SEMA3E: variants seen among roughly 807,000 people sequenced by gnomAD.
SEMA3E encodes semaphorin 3E.
Under a neutral mutation model 93.6 loss-of-function variants are expected in SEMA3E, and 49 were observed. That is an observed-to-expected ratio of 0.52 (90% CI 0.42 to 0.66). The LOEUF (loss-of-function observed/expected upper bound fraction) is 0.66, where lower values mean the gene tolerates loss of function less well. SEMA3E is among the 30% of genes least tolerant of loss of function. The pLI, the probability that SEMA3E is intolerant of heterozygous loss-of-function variation, is 0.00. For missense variants in SEMA3E, 906 were observed against 964.8 expected (o/e 0.94, Z 0.81); for synonymous variants, 363 against 330.7 (o/e 1.10, Z -1.06).
chr7:83,509,973 T>C (rs1288814855), intron 1 of SEMA3E, among the ~76,000 whole-genome samples: 1 of 152,086 alleles, frequency 6.6e-6, no homozygotes, highest in Admixed American at 6.6e-5. Context: ...TCAATAATAG[T>C]AGGAAAATAA....
intron 1 of SEMA3E, among the ~76,000 whole-genome samples, chr7:83,639,191 G>A (rs575084814): frequency 1.7e-3 from 252 of 146,534 alleles, no homozygotes; most frequent in African/African-American, 6.2e-3. Context: ...TGATTCAGCA[G>A]CTCCCAGGGA....
intron 3 of SEMA3E, among the ~76,000 whole-genome samples, chr7:83,468,467 G>A (rs1263237281): frequency 1.3e-5 from 2 of 152,240 alleles, no homozygotes; most frequent in African/African-American, 4.8e-5. Context: ...AAGGCAACAG[G>A]AATGTGCTGA....
At chr7:83,498,542 A>G (rs1245418594) in intron 1 of SEMA3E, among the ~76,000 whole-genome samples, 1 of 151,598 alleles carries the variant, frequency 6.6e-6, no homozygotes, top group East Asian at 1.9e-4. Flanking sequence ...CAGTGGTGCG[A>G]TCTCGGCTCA....
chr7:83,415,216 C>G (rs896455402), intron 5 of SEMA3E, among the ~76,000 whole-genome samples: 7 of 152,054 alleles, frequency 4.6e-5, no homozygotes, highest in African/African-American at 1.4e-4. Flanking sequence ...TTTCAACAAG[C>G]TGCTTTTAAA....
intron 4 of SEMA3E, among the ~76,000 whole-genome samples, chr7:83,426,582 G>A (rs1235268099): frequency 1.3e-5 from 2 of 152,066 alleles, no homozygotes; most frequent in Non-Finnish European, 2.9e-5. Flanking sequence ...ACTATTCTCA[G>A]TACCTGGCGA....
At chr7:83,413,816 A>G (rs1437866450) in intron 5 of SEMA3E, among the ~76,000 whole-genome samples, 14 of 152,164 alleles carry the variant, frequency 9.2e-5, no homozygotes, top group Non-Finnish European at 1.5e-5. Flanking sequence ...GCCAGCACCC[A>G]TGGCTGTACT....
At chr7:83,560,937 CT>C (rs1584331662) in intron 1 of SEMA3E, among the ~76,000 whole-genome samples, 3 of 151,990 alleles carry the variant, frequency 2.0e-5, no homozygotes, top group African/African-American at 7.2e-5. Flanking sequence ...TTATATAACA[CT>C]GCTTTCCAAA....
chr7:83,596,768 A>T (rs771471325), intron 1 of SEMA3E, among the ~76,000 whole-genome samples: 3 of 152,024 alleles, frequency 2.0e-5, no homozygotes, highest in Non-Finnish European at 2.9e-5. Context: ...GTGATCTCTG[A>T]TCTCATGATG....
rs188218289 is a variant in SEMA3E, at chr7:83,545,492, G to C, written c.116-55218C>G. Reference sequence around the variant, plus strand: ...TTAAACTTGTAGTTTTATATCCAGTGTGATACCCTTCCTTGGCATAATTCC... The same window carrying C: ...TTAAACTTGTAGTTTTATATCCAGTCTGATACCCTTCCTTGGCATAATTCC... On this transcript the variant is annotated intron_variant, in intron 1 of 16. Coordinates refer to ENST00000643230, the MANE Select transcript of SEMA3E (RefSeq NM_012431.3). Among the ~76,000 whole-genome samples, 7 of 146,832 alleles carry C rather than the reference G, an allele frequency of 4.8e-5. No homozygotes were observed. The East Asian group carries it at 1.4e-3, about 30-fold the overall frequency.
chr7:83,516,566 A>C (rs17157685), intron 1 of SEMA3E, among the ~76,000 whole-genome samples: 18,071 of 152,166 alleles, frequency 0.12, 1,403 homozygotes, highest in South Asian at 0.21. Flanking sequence ...TTGCTGAGGG[A>C]TTCTATTTGG....
intron 16 of SEMA3E, among the ~76,000 whole-genome samples, 157 bp from the exon 17 acceptor site, chr7:83,368,195 C>A (rs1446859738): frequency 1.2e-5 from 1 of 82,924 alleles, no homozygotes; most frequent in Non-Finnish European, 2.3e-5. Flanking sequence ...ATAATTACAT[C>A]TCTCTCTCTC....
chr7:83,401,947 T>C (rs376033823), intron 10 of SEMA3E, among the ~76,000 whole-genome samples: 245 of 152,192 alleles, frequency 1.6e-3, no homozygotes, highest in African/African-American at 5.4e-3. Context: ...TCACCCTCAC[T>C]ATCATCATCA....
chr7:83,468,428 T>C (rs2115887697), intron 3 of SEMA3E, among the ~76,000 whole-genome samples: 1 of 152,312 alleles, frequency 6.6e-6, no homozygotes, highest in South Asian at 2.1e-4. Flanking sequence ...TAAGAATATG[T>C]TCAATTAGTC....
At chr7:83,605,822 G>A (rs1367572347) in intron 1 of SEMA3E, among the ~76,000 whole-genome samples, 1 of 152,076 alleles carries the variant, frequency 6.6e-6, no homozygotes, top group African/African-American at 2.4e-5. Flanking sequence ...ATTTGTTTAA[G>A]TTCCTTGTAG....
At position 83,405,513 on chromosome 7, in the gene SEMA3E, AC is replaced by A; in HGVS notation, c.934del (p.Val312PhefsTer13). 6.2e-7 allele frequency: 1 copy of A among 1,612,938 alleles called. No homozygotes were observed. The highest frequency in any genetic ancestry group is 8.5e-7 in the Non-Finnish European group (1 of 1,179,232). ...IDTYFDELED[V>X]FLLPTRDHKN... is the part of the protein sequence containing the mutation. The stretch of plus-strand genomic sequence containing the variant: ...ATGATCTCTGGTAGGTAGCAAAAAA[AC>A]GTCCTCTGAAAAATTAAAGGCCATT... On this transcript the variant is annotated frameshift_variant, in exon 9 of 17. Coordinates refer to ENST00000643230, the MANE Select transcript of SEMA3E (RefSeq NM_012431.3). LOFTEE classifies it high-confidence loss of function.
At chr7:83,391,328 C>T (rs898757042) in intron 14 of SEMA3E, among the ~76,000 whole-genome samples, 2 of 152,164 alleles carry the variant, frequency 1.3e-5, no homozygotes, top group African/African-American at 2.4e-5. Context: ...CAATTCCATT[C>T]TTCACTTTAG....
At chr7:83,619,912 T>C (rs577729430) in intron 1 of SEMA3E, among the ~76,000 whole-genome samples, 28 of 135,020 alleles carry the variant, frequency 2.1e-4, no homozygotes, top group African/African-American at 4.8e-4. Context: ...GACAGATAGA[T>C]AGATAGATAG....
intron 1 of SEMA3E, among the ~76,000 whole-genome samples, chr7:83,545,670 C>A (rs890532734): frequency 1.3e-5 from 2 of 150,674 alleles, no homozygotes; most frequent in Admixed American, 6.7e-5. Flanking sequence ...GGCTCTCTTG[C>A]CTCTACTGGG....
rs547971446 is a variant in SEMA3E, at chr7:83,454,715, A to C, written c.456+11767T>G. 9.8e-5 allele frequency among the ~76,000 whole-genome samples: 15 copies of C among 152,358 alleles called. No individual in the cohort carries two copies. The South Asian group carries it at 2.7e-3, about 27-fold the overall frequency. ...GCATGTATGCTTTATTTGGAATAAT[A>C]ATCATGGCCTAAAAATATATTTTCA... On this transcript the variant is annotated intron_variant, in intron 4 of 16. Transcript: ENST00000643230.
Sources: gnomAD v4.1 joint callset for allele counts (sites outside exome capture counted in the v4.1 genomes callset) on GRCh38, gnomAD v4.1.1 for gene constraint, MANE v1.5 for transcripts, NCBI Gene and HGNC (gene_info 2026-07-23, HGNC 2026-07-21) for gene names.